TNS1: variants seen among roughly 807,000 people sequenced by gnomAD.
The protein encoded by TNS1 is tensin 1.
In TNS1, 62 loss-of-function variants were observed where a neutral mutation model predicts 168.6. That is an observed-to-expected ratio of 0.37 (90% CI 0.30 to 0.45). The LOEUF (loss-of-function observed/expected upper bound fraction) is 0.45. Ranked by LOEUF, TNS1 falls within the 20% of genes least tolerant of loss-of-function variation. The pLI, the probability that TNS1 is intolerant of heterozygous loss-of-function variation, is 1.00. For synonymous variants in TNS1, 934 were observed against 933.2 expected, an observed-to-expected ratio of 1.00 and a Z score of -0.02; for missense variants, 2,240 against 2,339.4, an observed-to-expected ratio of 0.96 and a Z score of 0.88.
At chr2:217,884,173 G>GGATA (rs1950964180) in intron 16 of TNS1, among the ~76,000 whole-genome samples, 1 of 151,824 alleles carries the variant, frequency 6.6e-6, no homozygotes, top group Non-Finnish European at 1.5e-5. Context: ...ATGGATGGAT[G>GGATA]GATAGATGGA....
intron 3 of TNS1, among the ~76,000 whole-genome samples, chr2:217,966,311 G>A (rs1342396335): frequency 3.7e-4 from 47 of 127,522 alleles, no homozygotes; most frequent in Admixed American, 2.6e-3. Flanking sequence ...GTGTGTGTGC[G>A]CGCGCGCGCG....
intron 3 of TNS1, among the ~76,000 whole-genome samples, chr2:217,971,490 C>A (rs370334700): frequency 2.0e-5 from 3 of 152,180 alleles, no homozygotes; most frequent in Non-Finnish European, 4.4e-5. Flanking sequence ...TATAAAGGTT[C>A]GTTCCAGTTT....
chr2:218,027,278 C>T (rs1000999703), intron 1 of TNS1, among the ~76,000 whole-genome samples: 11 of 152,010 alleles, frequency 7.2e-5, no homozygotes, highest in Admixed American at 3.3e-4. Context: ...ACGGCCTACA[C>T]GATAAGTGTA....
intron 24 of TNS1, among the ~76,000 whole-genome samples, chr2:217,816,273 G>A (rs922883924): frequency 1.3e-5 from 2 of 152,142 alleles, no homozygotes; most frequent in Non-Finnish European, 1.5e-5. Context: ...CAAAAAGGGA[G>A]GGAGAACAGA....
intron 12 of TNS1, among the ~76,000 whole-genome samples, chr2:217,888,029 C>G (rs1034971323): frequency 2.0e-5 from 3 of 152,214 alleles, no homozygotes; most frequent in African/African-American, 7.2e-5. Flanking sequence ...CTCCTTGGCC[C>G]ACCTCCAAGC....
intron 18 of TNS1, among the ~76,000 whole-genome samples, chr2:217,856,094 C>T (rs550438326): frequency 2.0e-5 from 3 of 152,184 alleles, no homozygotes; most frequent in Admixed American, 1.3e-4. Context: ...ACAACATATG[C>T]ATCGAAAAGT....
Position 217,848,783 on chromosome 2 carries a change from C to T in TNS1, c.1734G>A (p.Lys578=). The T allele has an allele frequency of 1.9e-6, 3 of 1,614,144 alleles. No homozygotes were observed. Among genetic ancestry groups the T allele is most frequent in the African/African-American group, 1.3e-5 (1 of 75,038 alleles). ...GCTGGGTGTGGTACATGGCGCCTTGCTTCTCTCGCTCTAAGCCAAAGCCAC... is the reference window on the plus strand; with the variant it reads ...GCTGGGTGTGGTACATGGCGCCTTGTTTCTCTCGCTCTAAGCCAAAGCCAC... ...LLSGFGLERE[K]QGAMYHTQHL... The change falls in exon 19 of 33, where the codon AAG becomes AAA. Residue 578 remains lysine (K), a synonymous_variant. Transcript: ENST00000682258.
chr2:217,989,656 C>A (rs149204921), intron 2 of TNS1, among the ~76,000 whole-genome samples: 10 of 152,146 alleles, frequency 6.6e-5, no homozygotes, highest in Admixed American at 2.0e-4. Flanking sequence ...ATGAAAATAG[C>A]GATTGAAAAG....
chr2:217,865,601 A>G (rs1949200313), intron 18 of TNS1, among the ~76,000 whole-genome samples: 1 of 152,208 alleles, frequency 6.6e-6, no homozygotes, highest in East Asian at 1.9e-4. Flanking sequence ...GTCCCAGATA[A>G]GCAGCCAGGG....
chr2:218,011,786 G>A (rs905800489), upstream of TNS1, among the ~76,000 whole-genome samples: 4 of 152,146 alleles, frequency 2.6e-5, no homozygotes, highest in Admixed American at 2.6e-4. Context: ...GAGGAGACTA[G>A]CAGGACCCCA....
chr2:217,987,778 C>T (rs534912068), intron 2 of TNS1, among the ~76,000 whole-genome samples: 1 of 152,348 alleles, frequency 6.6e-6, no homozygotes, highest in South Asian at 2.1e-4. Flanking sequence ...CCCACTGAGT[C>T]AGGCTCAGTG....
At chr2:217,907,465 G>A (rs1408815170) in intron 4 of TNS1, among the ~76,000 whole-genome samples, 1 of 152,218 alleles carries the variant, frequency 6.6e-6, no homozygotes, top group African/African-American at 2.4e-5. Flanking sequence ...GAACCATCTG[G>A]TTCCACAAAC....
At position 217,804,621 on chromosome 2, in the gene TNS1, C is replaced by G. The variant is rs1238661678; in HGVS notation, c.5376-18G>C. 2 of 1,613,654 alleles carry G rather than the reference C, an allele frequency of 1.2e-6. No homozygotes were observed. The highest frequency in any genetic ancestry group is 2.2e-5 in the South Asian group (2 of 91,036). On this transcript the variant is annotated intron_variant, in intron 32 of 32. Coordinates refer to ENST00000682258, the MANE Select transcript of TNS1 (RefSeq NM_001387777.1). ...CGAAGAGCCTGCAGGCGGGAGAGGG[C>G]AACGGGCATGAGGGAAGGGCAAGTG...
At chr2:217,978,975 C>G in intron 2 of TNS1, 173 bp from the exon 3 acceptor site, 1 of 542,616 alleles carries the variant, frequency 1.8e-6, no homozygotes, top group South Asian at 1.9e-5. Flanking sequence ...GAGCGGCTGC[C>G]GGGCCTGCGG....
chr2:217,990,870 C>T (rs1575164718), intron 2 of TNS1, 72 bp downstream of exon 2: 1 of 495,154 alleles, frequency 2.0e-6, no homozygotes, highest in Non-Finnish European at 3.7e-6. Flanking sequence ...AGAGTCCCAG[C>T]CTGGCCCAGG....
Position 217,813,834 on chromosome 2 carries a change from A to G in TNS1, c.4730-18T>C, listed in dbSNP as rs1559151022. 2 of 1,589,104 alleles carry G rather than the reference A, an allele frequency of 1.3e-6. No homozygotes were observed. The highest frequency in any genetic ancestry group is 2.3e-5 in the East Asian group (1 of 44,098). ...CGCGATGGCTGCATGGGGAAGGGACAAGGAGAGAGGAGGAAGCAAGACCTC... is the reference window on the plus strand; with the variant it reads ...CGCGATGGCTGCATGGGGAAGGGACGAGGAGAGAGGAGGAAGCAAGACCTC... On this transcript the variant is annotated intron_variant, in intron 25 of 32. Transcript: ENST00000682258. This position sits in a 1 kb window ranked among gnomAD's most constrained non-coding sequence, Gnocchi z 4.0.
At chr2:217,940,396 G>C (rs1575120069) in intron 3 of TNS1, among the ~76,000 whole-genome samples, 1 of 152,160 alleles carries the variant, frequency 6.6e-6, no homozygotes, top group African/African-American at 2.4e-5. Flanking sequence ...CTCCAGAACT[G>C]AGCCAAGAAA....
intron 18 of TNS1, among the ~76,000 whole-genome samples, chr2:217,874,959 G>A (rs1559280722): frequency 6.6e-6 from 1 of 152,180 alleles, no homozygotes; most frequent in African/African-American, 2.4e-5. Flanking sequence ...AGATTGGTCT[G>A]TTCAACCTTA....
chr2:217,893,400 GCA>G (rs55877465), intron 10 of TNS1, 37 bp downstream of exon 10: 69,823 of 1,341,390 alleles, frequency 0.052, 1,972 homozygotes, highest in African/African-American at 0.29. Context: ...GTGCGCGCGC[GCA>G]CACACACACA....
Sources: gnomAD v4.1 joint callset for allele counts (sites outside exome capture counted in the v4.1 genomes callset) on GRCh38, gnomAD v4.1.1 for gene constraint, Gnocchi (gnomAD v3.1) non-coding constraint, MANE v1.5 for transcripts, NCBI Gene and HGNC (gene_info 2026-07-23, HGNC 2026-07-21) for gene names.